The following MYO10 variants were observed in gnomAD, a reference collection of about 807,000 sequenced individuals.
MYO10 encodes unconventional myosin-X.
In MYO10, 133 loss-of-function variants were observed where a neutral mutation model predicts 257.3. That is an observed-to-expected ratio of 0.52 (90% confidence interval 0.45 to 0.60). MYO10 has a LOEUF of 0.60. Ranked by LOEUF, MYO10 falls within the 20% of genes least tolerant of loss-of-function variation. The pLI, the probability that MYO10 is intolerant of heterozygous loss-of-function variation, is 0.00. For synonymous variants in MYO10, 1,104 were observed against 1,028.6 expected, an observed-to-expected ratio of 1.07 and a Z score of -1.40; for missense variants, 2,399 against 2,635.7, an observed-to-expected ratio of 0.91 and a Z score of 1.97.
intron 1 of MYO10, among the ~76,000 whole-genome samples, chr5:16,919,109 G>A (rs1042593851): frequency 6.6e-6 from 1 of 152,128 alleles, no homozygotes; most frequent in Non-Finnish European, 1.5e-5. Flanking sequence ...AGGAGTGATA[G>A]CTCACACCTG....
intron 34 of MYO10, 61 bp from the exon 35 acceptor site, chr5:16,675,211 A>C: frequency 6.4e-7 from 1 of 1,557,476 alleles, no homozygotes; most frequent in Non-Finnish European, 8.8e-7. Context: ...GCATGAGCAT[A>C]ATCGGAGCAG....
chr5:16,915,191 A>C (rs1419041634), intron 1 of MYO10, among the ~76,000 whole-genome samples: 2 of 152,228 alleles, frequency 1.3e-5, no homozygotes, highest in African/African-American at 4.8e-5. Flanking sequence ...ACTAAGGTAT[A>C]TAGTGCAAGA....
chr5:16,719,983 TGCGTGC>T (rs1480019380), intron 19 of MYO10, among the ~76,000 whole-genome samples: 9 of 101,288 alleles, frequency 8.9e-5, no homozygotes, highest in African/African-American at 1.6e-4. Flanking sequence ...TAAATGTGTG[TGCGTGC>T]GTGTGTGTGT....
At chr5:16,886,495 G>C (rs1292894487) in intron 1 of MYO10, among the ~76,000 whole-genome samples, 1 of 152,172 alleles carries the variant, frequency 6.6e-6, no homozygotes, top group South Asian at 2.1e-4. Flanking sequence ...TGCCAGAAGT[G>C]TTGGGTAACT....
At position 16,701,241 on chromosome 5, in the gene MYO10, G is replaced by C. The variant is rs376032810; in HGVS notation, c.3154C>G (p.Leu1052Val). The C allele has an allele frequency of 5.5e-5, 89 of 1,613,020 alleles. No individual in the cohort carries two copies. The highest frequency in any genetic ancestry group is 7.0e-5 in the Non-Finnish European group (82 of 1,179,618). ...PTSPSADSTVLLAPSVQDSGS... is the reference protein window; with the variant it reads ...PTSPSADSTVVLAPSVQDSGS... ...GAGTCCTGCACTGATGGGGCGAGCA[G>C]CACCGTGCTGTCCGCACTGGGGCTG... Residue 1052 changes from leucine (L) to valine (V), a missense_variant, in exon 25 of 41, where the codon CTG becomes GTG. Transcript: ENST00000513610. This position sits in a 1 kb window ranked among gnomAD's most constrained non-coding sequence, Gnocchi z 8.1.
chr5:16,685,279 T>C (rs943629184), intron 29 of MYO10, among the ~76,000 whole-genome samples: 6 of 152,176 alleles, frequency 3.9e-5, no homozygotes, highest in Admixed American at 2.6e-4. Context: ...GGCGCAATCA[T>C]AGCTCACTGT....
Position 16,818,095 on chromosome 5 carries a change from C to T in MYO10, c.193G>A (p.Val65Met), listed in dbSNP as rs1473015965. The T allele has an allele frequency of 4.3e-6, 7 of 1,611,908 alleles. No homozygotes were observed. Among genetic ancestry groups the T allele is most frequent in the South Asian group, 2.2e-5 (2 of 90,660 alleles). ...TCTGTCAAGGACGCCATGTCATCCA[C>T]GCCCTCCTCGTTCGTGGGGTGCATA... The part of the protein sequence containing the change: ...TAMHPTNEEG[V>M]DDMASLTELH... The change falls in exon 3 of 41, where the codon GTG becomes ATG. Residue 65 changes from valine to methionine, a missense_variant. This residue lies in a region of MYO10 where 242 missense variants were observed against 249.5 expected (regional missense o/e 0.97). Coordinates refer to ENST00000513610, the MANE Select transcript of MYO10 (RefSeq NM_012334.3).
At chr5:16,722,796 A>G (rs751625900) in intron 19 of MYO10, among the ~76,000 whole-genome samples, 5 of 152,236 alleles carry the variant, frequency 3.3e-5, no homozygotes, top group African/African-American at 9.6e-5. Flanking sequence ...TACAACAACA[A>G]AAGAATGTTC....
intron 2 of MYO10, among the ~76,000 whole-genome samples, chr5:16,875,836 TGG>T: frequency 6.6e-6 from 1 of 152,156 alleles, no homozygotes; most frequent in African/African-American, 2.4e-5. Context: ...ATAAACTATG[TGG>T]TTTTGGCCAG....
chr5:16,761,346 G>A (rs191415958), intron 17 of MYO10, 118 bp downstream of exon 17: 6 of 802,748 alleles, frequency 7.5e-6, no homozygotes, highest in South Asian at 1.6e-5. Context: ...TATTACCTGG[G>A]AAAAACAATA....
At chr5:16,760,066 A>C in intron 17 of MYO10, among the ~76,000 whole-genome samples, 1 of 151,914 alleles carries the variant, frequency 6.6e-6, no homozygotes, top group Non-Finnish European at 1.5e-5. Context: ...TGTTTTTGTT[A>C]CAGATTCCCA....
At chr5:16,908,478 A>C (rs563498325) in intron 1 of MYO10, among the ~76,000 whole-genome samples, 1 of 152,356 alleles carries the variant, frequency 6.6e-6, no homozygotes, top group African/African-American at 2.4e-5. Flanking sequence ...CAGTGGGCTG[A>C]GATCATGCCA....
chr5:16,670,619 T>C lies in MYO10; in HGVS notation c.5790A>G (p.Lys1930=), dbSNP rs778263948. Residue 1930 remains lysine, a synonymous_variant, in exon 39 of 41, where the codon AAA becomes AAG. Coordinates refer to ENST00000513610, the MANE Select transcript of MYO10 (RefSeq NM_012334.3). The part of the protein sequence containing the change: ...ARASIIDKWR[K]FQGMNQEQAM... Reference sequence around the variant, plus strand: ...CCTGTTCCTGGTTCATTCCCTGAAATTTCCTCCACTTGTCAATGATACTGG... The same window carrying C: ...CCTGTTCCTGGTTCATTCCCTGAAACTTCCTCCACTTGTCAATGATACTGG... 1.9e-6 allele frequency: 3 copies of C among 1,613,910 alleles called. No homozygotes were observed. Among genetic ancestry groups the C allele is most frequent in the Non-Finnish European group, 2.5e-6 (3 of 1,179,908 alleles).
At chr5:16,822,694 T>A (rs75125870) in intron 2 of MYO10, among the ~76,000 whole-genome samples, 68,063 of 148,258 alleles carry the variant, frequency 0.46, 15,741 homozygotes, top group South Asian at 0.61. Context: ...ATTTTTATTT[T>A]TTTTTTTTTT....
At chr5:16,848,988 C>T (rs1743722883) in intron 2 of MYO10, among the ~76,000 whole-genome samples, 1 of 152,112 alleles carries the variant, frequency 6.6e-6, no homozygotes, top group Non-Finnish European at 1.5e-5. Flanking sequence ...CAGGGTTTCC[C>T]TCTGTTGCCC....
At chr5:16,873,354 G>C (rs1372844442) in intron 2 of MYO10, among the ~76,000 whole-genome samples, 2 of 152,156 alleles carry the variant, frequency 1.3e-5, no homozygotes, top group African/African-American at 2.4e-5. Flanking sequence ...CCATGGTCTT[G>C]GGTAGCTCCA....
intron 6 of MYO10, among the ~76,000 whole-genome samples, chr5:16,781,268 T>C (rs1167403532): frequency 6.6e-6 from 1 of 151,960 alleles, no homozygotes; most frequent in Non-Finnish European, 1.5e-5. Flanking sequence ...TTAGTATCGG[T>C]GGGGTTTCAC....
intron 1 of MYO10, among the ~76,000 whole-genome samples, chr5:16,882,938 CG>C (rs1266448989): frequency 1.4e-5 from 2 of 138,654 alleles, no homozygotes; most frequent in South Asian, 2.2e-4. Context: ...TTTTTTGAGA[CG>C]GAGTCTCACT....
intron 1 of MYO10, among the ~76,000 whole-genome samples, chr5:16,918,500 C>CTTTTTTTTTTTT (rs5866221): frequency 8.5e-6 from 1 of 117,694 alleles, no homozygotes; most frequent in Non-Finnish European, 1.7e-5. Context: ...TTTTTCTTTT[C>CTTTTTTTTTTTT]TTTTTTTTTT....
Sources: gnomAD v4.1 joint callset for allele counts (sites outside exome capture counted in the v4.1 genomes callset) on GRCh38, gnomAD v4.1.1 for gene constraint, gnomAD v4.1.1 regional missense constraint, Gnocchi (gnomAD v3.1) non-coding constraint, MANE v1.5 for transcripts, NCBI Gene and HGNC (gene_info 2026-07-23, HGNC 2026-07-21) for gene names.